Variants in DAPK1 observed in about 807,000 individuals in gnomAD.
DAPK1 encodes death-associated protein kinase 1.
A neutral mutation model predicts 144.9 loss-of-function variants in DAPK1; 56 were observed. The ratio of observed to expected loss-of-function variants is 0.39; its 90% confidence interval spans 0.31 to 0.48. DAPK1 has a LOEUF of 0.48. Among genes scored for constraint, DAPK1 ranks in the 20% least tolerant of loss-of-function variants. The pLI is 0.95. For synonymous variants in DAPK1, 690 were observed against 749.0 expected (o/e 0.92, Z 1.29); for missense variants, 1,454 against 1,875.4 (o/e 0.78, Z 4.15).
chr9:87,638,281 G>A (rs1296058932), intron 4 of DAPK1, among the ~76,000 whole-genome samples, 200 bp downstream of exon 4: 1 of 152,158 alleles, frequency 6.6e-6, no homozygotes, highest in African/African-American at 2.4e-5. Flanking sequence ...TGGGATAGAG[G>A]CTTAATGATA....
chr9:87,640,203 T>A, intron 7 of DAPK1, 95 bp from the exon 8 acceptor site: 1 of 1,236,626 alleles, frequency 8.1e-7, no homozygotes, highest in Non-Finnish European at 1.1e-6. Flanking sequence ...AGCACCAGAT[T>A]ATAATCTTAT....
chr9:87,656,228 G>A (rs36214718), intron 17 of DAPK1, among the ~76,000 whole-genome samples: 2,137 of 152,276 alleles, frequency 0.014, 24 homozygotes, highest in Middle Eastern at 0.041. Flanking sequence ...CACGGCGGGT[G>A]TTGGGTAGGT....
In DAPK1 at chr9:87,671,803, T is replaced by G. The variant is rs1483369550; in HGVS notation, c.2001+3129T>G. 2.0e-5 allele frequency among the ~76,000 whole-genome samples: 3 copies of G among 152,356 alleles called. No homozygotes were observed. In the East Asian group the frequency reaches 5.8e-4, roughly 29 times the overall value. ...CAGTGGGATTACAGGCGTGAGCCAC[T>G]GCACCTGGTCAGAATAGTCATCTTA... On this transcript the variant is annotated intron_variant, in intron 19 of 25. Transcript: ENST00000408954.
At chr9:87,684,551 C>T (rs1824767464) in intron 20 of DAPK1, among the ~76,000 whole-genome samples, 1 of 152,218 alleles carries the variant, frequency 6.6e-6, no homozygotes, top group Non-Finnish European at 1.5e-5. Context: ...GGAGACCGGA[C>T]GGGGTCCCCT....
intron 3 of DAPK1, among the ~76,000 whole-genome samples, 198 bp downstream of exon 3, chr9:87,605,373 A>G (rs377596348): frequency 1.2e-4 from 19 of 152,040 alleles, no homozygotes; most frequent in African/African-American, 4.6e-4. Flanking sequence ...CTAAAGAGCA[A>G]CTCCCATCAC....
chr9:87,576,190 G>A (rs3095751), intron 2 of DAPK1, among the ~76,000 whole-genome samples: 35,747 of 152,022 alleles, frequency 0.24, 4,842 homozygotes, highest in Non-Finnish European at 0.32. Context: ...ACACACATGC[G>A]TACACACGTA....
intron 19 of DAPK1, among the ~76,000 whole-genome samples, chr9:87,674,146 G>A (rs1172246005): frequency 2.0e-5 from 3 of 152,214 alleles, no homozygotes; most frequent in East Asian, 3.9e-4. Context: ...GGGGGTTGAG[G>A]AGTTGGCTTA....
At chr9:87,529,222 A>G (rs1314269706) in intron 2 of DAPK1, among the ~76,000 whole-genome samples, 4 of 152,022 alleles carry the variant, frequency 2.6e-5, no homozygotes, top group Admixed American at 1.3e-4. Flanking sequence ...ACTTCCTTTC[A>G]TTTCTGCTCT....
At position 87,593,014 on chromosome 9, in the gene DAPK1, G is replaced by C. The variant is rs543547124; in HGVS notation, c.63-11940G>C. On this transcript the variant is annotated intron_variant, in intron 2 of 25. Coordinates refer to ENST00000408954, the MANE Select transcript of DAPK1 (RefSeq NM_004938.4). ...GGCTTGGCCTAGAGCACTGTAAAAAGGATTCTTCTTTGCTGGGCTGACAGC... is the reference window on the plus strand; with the variant it reads ...GGCTTGGCCTAGAGCACTGTAAAAACGATTCTTCTTTGCTGGGCTGACAGC... 5.9e-5 allele frequency among the ~76,000 whole-genome samples: 9 copies of C among 152,264 alleles called. No homozygotes were observed. In the South Asian group the frequency reaches 1.9e-3, roughly 32 times the overall value.
chr9:87,577,234 A>G (rs568604499), intron 2 of DAPK1, among the ~76,000 whole-genome samples: 33 of 152,316 alleles, frequency 2.2e-4, no homozygotes, highest in African/African-American at 7.9e-4. Flanking sequence ...GAAACTGGTT[A>G]GAAATGCAGA....
At chr9:87,660,385 C>T (rs1042249741) in intron 18 of DAPK1, among the ~76,000 whole-genome samples, 1 of 151,982 alleles carries the variant, frequency 6.6e-6, no homozygotes, top group African/African-American at 2.4e-5. Flanking sequence ...TCCTAGCAGC[C>T]ACATGGAAGA....
At chr9:87,542,691 G>A (rs1336587934) in intron 2 of DAPK1, among the ~76,000 whole-genome samples, 1 of 152,194 alleles carries the variant, frequency 6.6e-6, no homozygotes, top group Non-Finnish European at 1.5e-5. Flanking sequence ...AGAAGCTGTG[G>A]CTGAGTGGCT....
At chr9:87,571,699 C>T (rs1162322775) in intron 2 of DAPK1, among the ~76,000 whole-genome samples, 1 of 152,188 alleles carries the variant, frequency 6.6e-6, no homozygotes, top group South Asian at 2.1e-4. Context: ...ACAGCGTTTG[C>T]ACACTTTCCT....
chr9:87,627,236 C>T (rs1018114120), intron 3 of DAPK1, among the ~76,000 whole-genome samples: 1 of 152,166 alleles, frequency 6.6e-6, no homozygotes, highest in Non-Finnish European at 1.5e-5. Context: ...TCTCTCATCA[C>T]GTCTGTGATC....
intron 2 of DAPK1, among the ~76,000 whole-genome samples, chr9:87,571,497 CAACACACACACA>C (rs1827351585): frequency 4.4e-5 from 1 of 22,518 alleles, no homozygotes; most frequent in Admixed American, 5.1e-4. Flanking sequence ...ACACACACCC[CAACACACACACA>C]CACACACACA....
intron 2 of DAPK1, among the ~76,000 whole-genome samples, chr9:87,551,980 C>T (rs1317894608): frequency 6.6e-6 from 1 of 152,168 alleles, no homozygotes; most frequent in Non-Finnish European, 1.5e-5. Context: ...TCTCAGCTGC[C>T]AGTAAGCCAG....
chr9:87,629,223 CG>C (rs552699061), intron 3 of DAPK1, among the ~76,000 whole-genome samples: 158 of 152,220 alleles, frequency 1.0e-3, no homozygotes, highest in Non-Finnish European at 1.4e-3. Context: ...CAGACACAGA[CG>C]TGTGTGGAGG....
At chr9:87,658,946 G>C (rs921745518) in intron 18 of DAPK1, among the ~76,000 whole-genome samples, 1 of 152,200 alleles carries the variant, frequency 6.6e-6, no homozygotes, top group Non-Finnish European at 1.5e-5. Context: ...GCAAACCATG[G>C]CCCACGGGCC....
chr9:87,600,192 G>A (rs1384193886), intron 2 of DAPK1, among the ~76,000 whole-genome samples: 1 of 152,200 alleles, frequency 6.6e-6, no homozygotes, highest in African/African-American at 2.4e-5. Flanking sequence ...AACGTGTGCA[G>A]CAGCCTCTCC....
Sources: allele counts gnomAD v4.1 joint callset (sites outside exome capture counted in the v4.1 genomes callset), GRCh38; gene constraint gnomAD v4.1.1; transcripts MANE v1.5; gene names NCBI Gene and HGNC (gene_info 2026-07-23, HGNC 2026-07-21).